RASEF: variants seen among roughly 807,000 people sequenced by gnomAD.
The protein encoded by RASEF is RAS and EF-hand domain containing, also known as ras and EF-hand domain-containing protein.
A neutral mutation model predicts 90.1 loss-of-function variants in RASEF; 68 were observed. The observed-to-expected ratio is 0.75, with a 90% CI of 0.62 to 0.92. The LOEUF is 0.92. Ranked by LOEUF, RASEF falls within the 40% of genes least tolerant of loss-of-function variation. The probability of loss-of-function intolerance (pLI) is 0.00; values close to 1 mark genes in which losing one functional copy is unlikely to be tolerated. For missense variants in RASEF, 949 were observed against 937.2 expected, an observed-to-expected ratio of 1.01 and a Z score of -0.16; for synonymous variants, 331 against 345.2, an observed-to-expected ratio of 0.96 and a Z score of 0.46.
In RASEF at chr9:82,980,394, T is replaced by C. The variant is rs1431999893; in HGVS notation, c.*2283A>G. ...GCTAACCAGAGCTCTAAGTCTCTAA[T>C]TTGGATTATGTTACCAAAATATTTA... On this transcript the variant is annotated 3_prime_UTR_variant, in exon 17 of 17. Transcript: ENST00000376447. The C allele has an allele frequency of 6.6e-6, 1 of 152,246 alleles. No individual in the cohort carries two copies. The highest frequency in any genetic ancestry group is 1.5e-5 in the Non-Finnish European group (1 of 68,040). The allele number at this position is 152,246 out of a possible 1,614,324, so 9.4% of individuals were successfully genotyped here. A position where few individuals can be genotyped will look rare whatever the true frequency, so the allele number is the denominator to read the frequency against.
intron 1 of RASEF, among the ~76,000 whole-genome samples, chr9:83,057,807 CCATATATACATATT>C (rs1240784471): frequency 2.0e-5 from 3 of 146,348 alleles, no homozygotes; most frequent in East Asian, 2.0e-4. Context: ...ATATATATAT[CCATATATACATATT>C]CATATATACA....
the RASEF span, among the ~76,000 whole-genome samples, chr9:83,158,264 T>C: frequency 1.3e-5 from 2 of 152,090 alleles, no homozygotes; most frequent in African/African-American, 4.8e-5. Context: ...TCTCCTAAAA[T>C]TGAAACATCT....
the RASEF span, among the ~76,000 whole-genome samples, chr9:83,126,320 A>C: frequency 6.6e-6 from 1 of 152,248 alleles, no homozygotes; most frequent in South Asian, 2.1e-4. Flanking sequence ...AGAATGCAGC[A>C]AGAAGGTGGC....
rs370500066 is a variant in RASEF, at chr9:83,012,490, C to G, written c.787G>C (p.Val263Leu). The G allele has an allele frequency of 5.0e-6, 8 of 1,589,214 alleles. No individual in the cohort carries two copies. The highest frequency in any genetic ancestry group is 1.4e-5 in the African/African-American group (1 of 73,438). The change falls in exon 5 of 17, where the codon GTA becomes CTA. Residue 263 changes from valine to leucine, a missense_variant. Physicochemically the swap from Val to Leu is conservative, Grantham distance 32. Around this residue, in one of 3 missense-constraint regions of RASEF, gnomAD observed 656 missense variants for 592.2 expected, o/e 1.11. Transcript: ENST00000376447. ...LRKLEEQSKR[V>L]SQKEDVAALK... Reference sequence around the variant, plus strand: ...GCAGCCACATCTTCCTTTTGACTTACGCGTTTTGATTGTTCTTCGAGCTGA... The same window carrying G: ...GCAGCCACATCTTCCTTTTGACTTAGGCGTTTTGATTGTTCTTCGAGCTGA...
chr9:82,986,727 G>A (rs1828717896), intron 16 of RASEF, among the ~76,000 whole-genome samples: 1 of 152,218 alleles, frequency 6.6e-6, no homozygotes, highest in Non-Finnish European at 1.5e-5. Flanking sequence ...CTCTGATGCT[G>A]AACTGATACA....
At chr9:83,171,786 T>G in the RASEF span, among the ~76,000 whole-genome samples, 31,737 of 151,758 alleles carry the variant, frequency 0.21, 3,453 homozygotes, top group African/African-American at 0.26. Flanking sequence ...TGTCTCTGGT[T>G]TTATTTAATT....
the RASEF span, among the ~76,000 whole-genome samples, chr9:83,162,568 T>G: frequency 1.2e-4 from 18 of 152,332 alleles, no homozygotes; most frequent in African/African-American, 4.1e-4. Flanking sequence ...CAGTCCAGTA[T>G]GTAGAAAGTT....
At chr9:83,098,661 A>G in the RASEF span, among the ~76,000 whole-genome samples, 2 of 152,246 alleles carry the variant, frequency 1.3e-5, no homozygotes, top group Non-Finnish European at 2.9e-5. Context: ...TCACAGTGTC[A>G]CATGGCTGGG....
the RASEF span, among the ~76,000 whole-genome samples, chr9:83,193,413 A>C: frequency 1.3e-5 from 2 of 152,234 alleles, no homozygotes; most frequent in Non-Finnish European, 2.9e-5. Context: ...TCTTTTCCCC[A>C]GTATCACTAC....
At chr9:83,126,930 C>G in the RASEF span, among the ~76,000 whole-genome samples, 3 of 152,090 alleles carry the variant, frequency 2.0e-5, no homozygotes, top group Admixed American at 6.5e-5. Flanking sequence ...GCTTGTTTTG[C>G]AGAAAAGTTT....
the RASEF span, among the ~76,000 whole-genome samples, chr9:83,187,078 A>T: frequency 2.0e-5 from 3 of 152,100 alleles, no homozygotes; most frequent in African/African-American, 7.2e-5. Flanking sequence ...CATAGCTTAG[A>T]GCCCCTCAGA....
rs139615461 is a variant in RASEF at position 82,995,121 on chromosome 9, A to G, written c.1920+1891T>C. Among the ~76,000 whole-genome samples the G allele has an allele frequency of 3.6e-3, 550 of 152,344 alleles. 1 individual carries two copies. The highest frequency in any genetic ancestry group is 6.8e-3 in the Middle Eastern group (2 of 294). ...CTATAGTTTTCTTCCTTTTCAGACC[A>G]TAGGAAAACGTGATACCAATGGCGG... is the stretch of plus-strand genomic sequence containing the variant. On this transcript the variant is annotated intron_variant, in intron 14 of 16. Transcript: ENST00000376447.
At chr9:82,995,964 A>G (rs938419991) in intron 14 of RASEF, among the ~76,000 whole-genome samples, 1 of 152,214 alleles carries the variant, frequency 6.6e-6, no homozygotes, top group African/African-American at 2.4e-5. Context: ...AGAGATGACT[A>G]TAACATGGGA....
chr9:83,132,269 G>C, the RASEF span, among the ~76,000 whole-genome samples: 1 of 152,144 alleles, frequency 6.6e-6, no homozygotes, highest in Non-Finnish European at 1.5e-5. Context: ...CTTACCTGGA[G>C]AAAGCCATGC....
At chr9:83,188,408 G>A in the RASEF span, among the ~76,000 whole-genome samples, 1 of 152,166 alleles carries the variant, frequency 6.6e-6, no homozygotes. Context: ...GCTTACAGAG[G>A]CTTTTGTCAC....
At chr9:83,214,858 C>A in the RASEF span, among the ~76,000 whole-genome samples, 1 of 151,896 alleles carries the variant, frequency 6.6e-6, no homozygotes, top group Admixed American at 6.6e-5. Flanking sequence ...GGGTGGTTCC[C>A]TGGCAAAGGC....
intron 9 of RASEF, 66 bp downstream of exon 9, chr9:83,004,432 G>T: frequency 1.1e-6 from 1 of 913,738 alleles, no homozygotes; most frequent in South Asian, 1.4e-5. Flanking sequence ...CCACCTCCAA[G>T]GAAATTTACT....
the RASEF span, among the ~76,000 whole-genome samples, chr9:83,075,127 G>C: frequency 6.6e-6 from 1 of 152,014 alleles, no homozygotes; most frequent in Non-Finnish European, 1.5e-5. Flanking sequence ...GTATTGGTAG[G>C]CCTCTTTTTA....
At chr9:83,109,558 C>T in the RASEF span, among the ~76,000 whole-genome samples, 4,492 of 152,238 alleles carry the variant, frequency 0.03, 230 homozygotes, top group African/African-American at 0.1. Context: ...CCTATCTTCA[C>T]ACAAAATGAG....
Sources: gnomAD v4.1 joint callset for allele counts (sites outside exome capture counted in the v4.1 genomes callset) on GRCh38, gnomAD v4.1.1 for gene constraint, gnomAD v4.1.1 regional missense constraint, MANE v1.5 for transcripts, NCBI Gene and HGNC (gene_info 2026-07-23, HGNC 2026-07-21) for gene names.